TTF2: variants seen among roughly 807,000 people sequenced by gnomAD.
TTF2 encodes the protein transcription termination factor 2.
A neutral mutation model predicts 142.4 loss-of-function variants in TTF2; 108 were observed. The observed-to-expected ratio is 0.76, with a 90% confidence interval of 0.65 to 0.89. The LOEUF is 0.89. Ranked by LOEUF, TTF2 falls within the 40% of genes least tolerant of loss-of-function variation. The pLI is 0.00. For missense variants in TTF2, 1,327 were observed against 1,379.8 expected, an observed-to-expected ratio of 0.96 and a Z score of 0.61; for synonymous variants, 483 against 506.2, an observed-to-expected ratio of 0.95 and a Z score of 0.61.
Position 117,091,354 on chromosome 1 carries a change from G to A in TTF2, c.2615G>A (p.Arg872Lys). ...SRSALQSYLK[R>K]HESRGNQSGR... The stretch of plus-strand genomic sequence containing the variant: ...TCAGCTCTGCAATCCTATCTAAAAA[G>A]ACATGAAAGTAGAGGCAACCAATCT... The change falls in exon 16 of 23, where the codon AGA becomes AAA. Residue 872 changes from arginine (R) to lysine (K), a missense_variant. Arg to Lys is a conservative substitution (Grantham distance 26). Coordinates refer to ENST00000369466, the MANE Select transcript of TTF2 (RefSeq NM_003594.4). 6.2e-7 allele frequency: 1 copy of A among 1,613,126 alleles called. No individual in the cohort carries two copies.
At chr1:117,095,425 A>G in intron 19 of TTF2, 58 bp downstream of exon 19, 2 of 1,527,448 alleles carry the variant, frequency 1.3e-6, no homozygotes, top group Admixed American at 3.3e-5. Flanking sequence ...AAAATTTGAT[A>G]TTGCCAAGAG....
rs769487763 is a variant in TTF2 at position 117,084,100 on chromosome 1, A to G, written c.1986A>G (p.Lys662=). 15 of 1,614,178 alleles carry G rather than the reference A, an allele frequency of 9.3e-6. No homozygotes were observed. The highest frequency in any genetic ancestry group is 8.3e-5 in the Admixed American group (5 of 60,024). The change falls in exon 11 of 23, where the codon AAA becomes AAG. Residue 662 remains lysine (K), a synonymous_variant. Coordinates refer to ENST00000369466, the MANE Select transcript of TTF2 (RefSeq NM_003594.4). ...ATCATTGGAAAAATGAGGTGGAGAAACGGGTGAACAGCAACAAACTAAGAG... is the reference window on the plus strand; with the variant it reads ...ATCATTGGAAAAATGAGGTGGAGAAGCGGGTGAACAGCAACAAACTAAGAG... ...LIHHWKNEVE[K]RVNSNKLRVY...
At position 117,073,778 on chromosome 1, in the gene TTF2, T is replaced by TGCA. The variant is rs752245580; in HGVS notation, c.285+55_285+57dup. The TGCA allele has an allele frequency of 4.6e-6, 7 of 1,537,622 alleles. No homozygotes were observed. The highest frequency in any genetic ancestry group is 2.7e-5 in the African/African-American group (2 of 73,562). The stretch of plus-strand genomic sequence containing the variant: ...ACCTGCTGTGTTAAGACTTTTAATA[T>TGCA]GCAGCATCACCTGAAAATACCTTGA... On this transcript the variant is annotated intron_variant, in intron 4 of 22. Transcript: ENST00000369466. This position sits in a 1 kb window ranked among gnomAD's most constrained non-coding sequence, Gnocchi z 4.4.
chr1:117,082,052 A>C, intron 10 of TTF2, 105 bp downstream of exon 10: 1 of 1,526,552 alleles, frequency 6.6e-7, no homozygotes. Context: ...ATATTTAATT[A>C]CTCTACTGGA....
chr1:117,081,230 T>C (rs993965751), intron 9 of TTF2, among the ~76,000 whole-genome samples: 9 of 152,244 alleles, frequency 5.9e-5, no homozygotes, highest in Non-Finnish European at 1.0e-4. Flanking sequence ...ACTTCTGTTA[T>C]GGCAGAATGA....
chr1:117,088,317 C>A (rs1357923497), intron 12 of TTF2, among the ~76,000 whole-genome samples: 1 of 152,134 alleles, frequency 6.6e-6, no homozygotes, highest in Non-Finnish European at 1.5e-5. Flanking sequence ...GCGGGTGGAT[C>A]ACGAGGTCAG....
chr1:117,077,775 C>A, intron 7 of TTF2, 141 bp from the exon 8 acceptor site: 1 of 1,180,300 alleles, frequency 8.5e-7, no homozygotes, highest in Middle Eastern at 2.8e-4. Flanking sequence ...CTGAGAACTG[C>A]TAGAGACATG....
In TTF2 at chr1:117,088,812, A is replaced by G; in HGVS notation, c.2172A>G (p.Thr724=). 6.2e-7 allele frequency: 1 copy of G among 1,613,170 alleles called. No individual in the cohort carries two copies. Among genetic ancestry groups the G allele is most frequent in the Non-Finnish European group, 8.5e-7 (1 of 1,179,684 alleles). The change falls in exon 13 of 23, where the codon ACA becomes ACG. Residue 724 remains threonine, a synonymous_variant. Transcript: ENST00000369466. ...TGTGATTCTTCCAGGGCACCTCAACACCTTTGCTTCGAATAGCCTGGGCTC... is the reference window on the plus strand; with the variant it reads ...TGTGATTCTTCCAGGGCACCTCAACGCCTTTGCTTCGAATAGCCTGGGCTC... ...GANLNVEGTS[T]PLLRIAWARI... is the part of the protein sequence containing the mutation.
chr1:117,078,153 T>TA, intron 8 of TTF2, 110 bp downstream of exon 8: 3 of 1,394,214 alleles, frequency 2.2e-6, no homozygotes, highest in Non-Finnish European at 2.9e-6. Flanking sequence ...GACAGATGCT[T>TA]AAATGGCTTC....
Position 117,098,791 on chromosome 1 carries a change from C to A in TTF2, c.3270-42C>A, listed in dbSNP as rs761576490. ...TGGCCCATAGTTTGCCATTTCTGAT[C>A]TAGTATGTCAGTTCCTTTGAGCTTT... is the stretch of plus-strand genomic sequence containing the variant. On this transcript the variant is annotated intron_variant, in intron 21 of 22. Transcript: ENST00000369466. The A allele has an allele frequency of 4.8e-5, 76 of 1,581,542 alleles. 1 individual carries two copies. The Admixed American group carries it at 1.3e-3, about 27-fold the overall frequency.
chr1:117,075,000 A>G lies in TTF2; in HGVS notation c.416A>G (p.Lys139Arg). 2 of 1,614,070 alleles carry G rather than the reference A, an allele frequency of 1.2e-6. No individual in the cohort carries two copies. The change falls in exon 5 of 23, where the codon AAA (lysine) becomes AGA (arginine). Residue 139 changes from lysine (K) to arginine (R), a missense_variant. Transcript: ENST00000369466. Reference sequence around the variant, plus strand: ...AAGAATCAAGAACCAGCTCTCTGGAAACAGCTCATCAAAGGTGAAGGTGAG... The same window carrying G: ...AAGAATCAAGAACCAGCTCTCTGGAGACAGCTCATCAAAGGTGAAGGTGAG... ...LDKNQEPALW[K>R]QLIKGEGEEK... is the part of the protein sequence containing the mutation.
At chr1:117,074,330 T>C (rs1656814237) in intron 4 of TTF2, among the ~76,000 whole-genome samples, 1 of 152,206 alleles carries the variant, frequency 6.6e-6, no homozygotes, top group African/African-American at 2.4e-5. Context: ...CTGAAAAGTA[T>C]ACACTGTGGC....
In TTF2 at chr1:117,090,499, G is replaced by C; in HGVS notation, c.2497-33G>C. ...CTATAATAGGCAGTTAATTTGTATA[G>C]CTTCATGCCAGCTTTTTTTTTTATT... is the stretch of plus-strand genomic sequence containing the variant. On this transcript the variant is annotated intron_variant, in intron 14 of 22. Coordinates refer to ENST00000369466, the MANE Select transcript of TTF2 (RefSeq NM_003594.4). This position sits in a 1 kb window ranked among gnomAD's most constrained non-coding sequence, Gnocchi z 4.8. 1 of 1,591,128 alleles carries C rather than the reference G, an allele frequency of 6.3e-7. No individual in the cohort carries two copies.
intron 4 of TTF2, among the ~76,000 whole-genome samples, chr1:117,074,222 A>G (rs192900969): frequency 6.6e-6 from 1 of 152,360 alleles, no homozygotes; most frequent in East Asian, 1.9e-4. Flanking sequence ...ATTCTAGATT[A>G]CCACAGTAAA....
Position 117,097,362 on chromosome 1 carries a change from C to G in TTF2, c.3198C>G (p.Ile1066Met). 1 of 1,614,078 alleles carries G rather than the reference C, an allele frequency of 6.2e-7. No homozygotes were observed. Among genetic ancestry groups the G allele is most frequent in the South Asian group, 1.1e-5 (1 of 91,066 alleles). ...GTTTCCTTTTGAAGGTAATGCTAAT[C>G]TCTCTCTTGGCCGGAGGTGTTGGTC... ...NHSRGPQVML[I>M]SLLAGGVGLN... is the part of the protein sequence containing the mutation. Residue 1066 changes from isoleucine (I) to methionine (M), a missense_variant, in exon 21 of 23, where the codon ATC becomes ATG. Ile to Met is a conservative substitution (Grantham distance 10). Coordinates refer to ENST00000369466, the MANE Select transcript of TTF2 (RefSeq NM_003594.4). This position sits in a 1 kb window ranked among gnomAD's most constrained non-coding sequence, Gnocchi z 4.1.
At chr1:117,096,481 G>A (rs1242925128) in intron 20 of TTF2, among the ~76,000 whole-genome samples, 182 bp downstream of exon 20, 3 of 152,186 alleles carry the variant, frequency 2.0e-5, no homozygotes, top group African/African-American at 4.8e-5. Flanking sequence ...GGGTTCAAGC[G>A]ATTCTCCTGC....
chr1:117,088,568 C>T (rs1648247446), intron 12 of TTF2, among the ~76,000 whole-genome samples: 1 of 151,908 alleles, frequency 6.6e-6, no homozygotes, highest in East Asian at 1.9e-4. Context: ...AATTTGAAAA[C>T]ATTTTACTCT....
intron 10 of TTF2, 38 bp downstream of exon 10, chr1:117,081,985 G>A (rs370542020): frequency 3.3e-4 from 538 of 1,613,110 alleles, no homozygotes; most frequent in East Asian, 2.7e-3. Flanking sequence ...CATTCCCTAC[G>A]TCATTTGAGC....
intron 15 of TTF2, among the ~76,000 whole-genome samples, chr1:117,091,088 C>G (rs1052646821): frequency 1.3e-5 from 2 of 152,258 alleles, no homozygotes; most frequent in Non-Finnish European, 2.9e-5. Context: ...CTCTCATTTA[C>G]ATTTCTAATG....
Sources: allele counts gnomAD v4.1 joint callset (sites outside exome capture counted in the v4.1 genomes callset), GRCh38; gene constraint gnomAD v4.1.1; non-coding constraint Gnocchi (gnomAD v3.1); transcripts MANE v1.5; gene names NCBI Gene and HGNC (gene_info 2026-07-23, HGNC 2026-07-21).